The following TENM2 variants were observed in gnomAD, a reference collection of about 807,000 sequenced individuals.
The protein encoded by TENM2 is teneurin-2.
Under a neutral mutation model 245.2 loss-of-function variants are expected in TENM2, and 52 were observed. The ratio of observed to expected loss-of-function variants is 0.21; its 90% CI spans 0.17 to 0.27. The LOEUF (loss-of-function observed/expected upper bound fraction) is 0.27. Among genes scored for constraint, TENM2 ranks in the 10% least tolerant of loss-of-function variants. TENM2 has a pLI of 1.00. For synonymous variants in TENM2, 1,363 were observed against 1,438.9 expected (o/e 0.95, Z 1.19); for missense variants, 3,046 against 3,666.8 (o/e 0.83, Z 4.37).
chr5:168,135,383 C>T (rs1253281760), intron 12 of TENM2, among the ~76,000 whole-genome samples: 1 of 152,140 alleles, frequency 6.6e-6, no homozygotes, highest in Non-Finnish European at 1.5e-5. Flanking sequence ...TTTTTCATAG[C>T]ATTCTATTTC....
At chr5:168,134,451 C>T (rs542159420) in intron 12 of TENM2, among the ~76,000 whole-genome samples, 5 of 151,882 alleles carry the variant, frequency 3.3e-5, no homozygotes, top group Admixed American at 6.6e-5. Context: ...TTTGGGAGGC[C>T]GAGGCGGGTG....
At chr5:168,259,465 G>A (rs1167372695) in intron 27 of TENM2, among the ~76,000 whole-genome samples, 1 of 152,192 alleles carries the variant, frequency 6.6e-6, no homozygotes, top group Non-Finnish European at 1.5e-5. Flanking sequence ...GCGCATGCCT[G>A]TAATCCCAGC....
the TENM2 span, among the ~76,000 whole-genome samples, chr5:167,272,975 AACAGGTAC>A: frequency 1.3e-5 from 2 of 152,080 alleles, no homozygotes; most frequent in Non-Finnish European, 2.9e-5. Context: ...CACAAACACA[AACAGGTAC>A]ACAGGTACAC....
chr5:167,002,676 AC>A, the TENM2 span, among the ~76,000 whole-genome samples: 1 of 151,840 alleles, frequency 6.6e-6, no homozygotes, highest in Admixed American at 6.6e-5. Flanking sequence ...CAAAAAAAAA[AC>A]AGCCCCTGTT....
intron 24 of TENM2, among the ~76,000 whole-genome samples, chr5:168,227,082 C>T (rs1042329651): frequency 6.6e-6 from 1 of 152,172 alleles, no homozygotes; most frequent in Admixed American, 6.5e-5. Context: ...CACACTTGCT[C>T]ACTGCCCCAA....
chr5:167,727,904 G>A (rs1266058257), intron 2 of TENM2, among the ~76,000 whole-genome samples: 1 of 152,074 alleles, frequency 6.6e-6, no homozygotes. Flanking sequence ...TGCCCTTTTG[G>A]GATAAATATT....
intron 3 of TENM2, among the ~76,000 whole-genome samples, chr5:167,884,888 T>C (rs1256911867): frequency 1.3e-5 from 2 of 152,200 alleles, no homozygotes; most frequent in Non-Finnish European, 2.9e-5. Context: ...ACACAAGGGC[T>C]CCAGTCACTC....
chr5:168,100,240 C>T (rs1426550698), intron 9 of TENM2, among the ~76,000 whole-genome samples: 1 of 152,130 alleles, frequency 6.6e-6, no homozygotes, highest in Non-Finnish European at 1.5e-5. Context: ...ACAACAGATG[C>T]TGGAGAGGAT....
the TENM2 span, among the ~76,000 whole-genome samples, chr5:167,082,306 A>T: frequency 1.3e-5 from 2 of 151,888 alleles, no homozygotes; most frequent in Admixed American, 1.3e-4. Flanking sequence ...TTATTTTGGG[A>T]TGGAGTCTCA....
At chr5:167,786,749 T>C (rs1310643801) in intron 2 of TENM2, among the ~76,000 whole-genome samples, 1 of 152,208 alleles carries the variant, frequency 6.6e-6, no homozygotes, top group East Asian at 1.9e-4. Context: ...ACACTCTGTT[T>C]GTTCAGAGCC....
chr5:167,153,802 A>G, the TENM2 span, among the ~76,000 whole-genome samples: 2 of 152,192 alleles, frequency 1.3e-5, no homozygotes, highest in African/African-American at 4.8e-5. Context: ...AAAAACTGAA[A>G]AAAACAAAAA....
At chr5:167,997,863 G>C (rs1784169292) in intron 5 of TENM2, among the ~76,000 whole-genome samples, 1 of 152,130 alleles carries the variant, frequency 6.6e-6, no homozygotes, top group Non-Finnish European at 1.5e-5. Context: ...CTTTCAGGTT[G>C]TCCACATCTC....
chr5:167,505,283 T>G (rs1362152488), intron 2 of TENM2, among the ~76,000 whole-genome samples: 2 of 152,200 alleles, frequency 1.3e-5, no homozygotes, highest in African/African-American at 4.8e-5. Flanking sequence ...ATCAAATCTT[T>G]AACATGTGCA....
At chr5:167,591,810 A>G (rs937637515) in intron 2 of TENM2, among the ~76,000 whole-genome samples, 1 of 152,240 alleles carries the variant, frequency 6.6e-6, no homozygotes, top group Non-Finnish European at 1.5e-5. Flanking sequence ...TGGCATTCTC[A>G]ATAATCATTG....
At chr5:167,191,548 T>G in the TENM2 span, among the ~76,000 whole-genome samples, 2 of 152,028 alleles carry the variant, frequency 1.3e-5, no homozygotes, top group Non-Finnish European at 2.9e-5. Context: ...TTATATGAAT[T>G]TTACTGTCAT....
chr5:167,025,649 A>G, the TENM2 span, among the ~76,000 whole-genome samples: 1 of 152,168 alleles, frequency 6.6e-6, no homozygotes, highest in Non-Finnish European at 1.5e-5. Flanking sequence ...ATAAAAAACA[A>G]AAACAGAACA....
intron 2 of TENM2, among the ~76,000 whole-genome samples, chr5:167,528,497 C>T (rs62383324): frequency 6.6e-6 from 1 of 152,018 alleles, no homozygotes; most frequent in Admixed American, 6.6e-5. Flanking sequence ...TATAATAGCA[C>T]CTACTTTAGA....
intron 2 of TENM2, among the ~76,000 whole-genome samples, chr5:167,584,796 G>T (rs1775365983): frequency 6.6e-6 from 1 of 151,168 alleles, no homozygotes; most frequent in Admixed American, 6.6e-5. Flanking sequence ...CTGGGTTCAC[G>T]CCATTCTCCT....
intron 3 of TENM2, among the ~76,000 whole-genome samples, chr5:167,950,677 C>A (rs1191144300): frequency 6.6e-6 from 1 of 152,102 alleles, no homozygotes; most frequent in Non-Finnish European, 1.5e-5. Flanking sequence ...TGGATAGCAT[C>A]CCTGAAGGAT....
Sources: allele counts gnomAD v4.1 joint callset (sites outside exome capture counted in the v4.1 genomes callset), GRCh38; gene constraint gnomAD v4.1.1; transcripts MANE v1.5; gene names NCBI Gene and HGNC (gene_info 2026-07-23, HGNC 2026-07-21).